Variants in ALX4 observed in about 807,000 individuals in gnomAD.
The protein encoded by ALX4 is ALX homeobox 4, also known as homeobox protein aristaless-like 4.
In ALX4, 22 loss-of-function variants were observed where a neutral mutation model predicts 40.6. That is an observed-to-expected ratio of 0.54 (90% CI 0.39 to 0.77). ALX4 has a LOEUF of 0.77. Ranked by LOEUF, ALX4 falls within the 30% of genes least tolerant of loss-of-function variation. ALX4 has a pLI of 0.00. For synonymous variants in ALX4, 266 were observed against 240.5 expected (o/e 1.11, Z -0.98); for missense variants, 556 against 564.8 (o/e 0.98, Z 0.16).
Position 44,281,249 on chromosome 11 carries a change from T to G in ALX4, c.467-5591A>C, listed in dbSNP as rs756139650. 1.1e-4 allele frequency among the ~76,000 whole-genome samples: 16 copies of G among 151,688 alleles called. 1 individual carries two copies. Among genetic ancestry groups the G allele is most frequent in the Non-Finnish European group, 2.1e-4 (14 of 67,950 alleles). On this transcript the variant is annotated intron_variant, in intron 1 of 3. Coordinates refer to ENST00000652299, the MANE Select transcript of ALX4 (RefSeq NM_021926.4). Reference sequence around the variant, plus strand: ...GCACAAGTCTGCCATTGTGAGTGGGTGTGGGGAACATATGTGTAGTTGCTT... The same window carrying G: ...GCACAAGTCTGCCATTGTGAGTGGGGGTGGGGAACATATGTGTAGTTGCTT...
chr11:44,269,831 T>C (rs1339748345), intron 2 of ALX4, among the ~76,000 whole-genome samples: 1 of 152,244 alleles, frequency 6.6e-6, no homozygotes, highest in African/African-American at 2.4e-5. Context: ...TTTCATTTCA[T>C]GTTTAATTTC....
At position 44,262,684 on chromosome 11, in the gene ALX4, C is replaced by G. The variant is rs1156739542; in HGVS notation, c.*2170G>C. ...GCCCACTCTGGAGCTACCTGGCTCT[C>G]CTCCTCTTTGTCCTGATTCTCTCAT... On this transcript the variant is annotated 3_prime_UTR_variant, in exon 4 of 4. Coordinates refer to ENST00000652299, the MANE Select transcript of ALX4 (RefSeq NM_021926.4). The G allele has an allele frequency of 6.6e-6, 1 of 152,438 alleles. No individual in the cohort carries two copies. The highest frequency in any genetic ancestry group is 1.5e-5 in the Non-Finnish European group (1 of 68,226). 9.4% of individuals were successfully genotyped at this position (152,438 alleles called of 1,614,324 possible). A position where few individuals can be genotyped will look rare whatever the true frequency, so the allele number is the denominator to read the frequency against.
chr11:44,295,191 C>A (rs1956396166), intron 1 of ALX4, among the ~76,000 whole-genome samples: 1 of 152,148 alleles, frequency 6.6e-6, no homozygotes, highest in Non-Finnish European at 1.5e-5. Context: ...CTCACCCTAT[C>A]ACTAACAGGT....
In ALX4 at chr11:44,264,150, CT is replaced by C. The variant is rs1170835157; in HGVS notation, c.*703del. ...AGTGAGGGGCTGGCCCGTGTCTCCCCTGGGGACTGGCATTGCTAGATGGCAG... is the reference window on the plus strand; with the variant it reads ...AGTGAGGGGCTGGCCCGTGTCTCCCCGGGGACTGGCATTGCTAGATGGCAG... On this transcript the variant is annotated 3_prime_UTR_variant, in exon 4 of 4. Coordinates refer to ENST00000652299, the MANE Select transcript of ALX4 (RefSeq NM_021926.4). 1.3e-5 allele frequency: 2 copies of C among 153,682 alleles called. No individual in the cohort carries two copies. The highest frequency in any genetic ancestry group is 4.8e-5 in the African/African-American group (2 of 41,484). The allele number at this position is 153,682 out of a possible 1,614,324, so 9.5% of individuals were successfully genotyped here. A position where few individuals can be genotyped will look rare whatever the true frequency, so the allele number is the denominator to read the frequency against.
Position 44,310,069 on chromosome 11 carries a change from C to T in ALX4, c.-7G>A, listed in dbSNP as rs1956499317. 1.3e-6 allele frequency: 2 copies of T among 1,577,348 alleles called. No homozygotes were observed. The highest frequency in any genetic ancestry group is 1.8e-5 in the Admixed American group (1 of 55,480). On this transcript the variant is annotated 5_prime_UTR_variant, in exon 1 of 4. Transcript: ENST00000652299. ...CGCAAGTCTCAGCATTCATGCCTGG[C>T]TTGCGCAGGCGGCGGGCGGGGACGC...
At chr11:44,291,014 T>C (rs4755243) in intron 1 of ALX4, among the ~76,000 whole-genome samples, 102,441 of 151,772 alleles carry the variant, frequency 0.67, 34,811 homozygotes, top group South Asian at 0.89. Context: ...CACCCCCACC[T>C]GCTTCCTTCC....
At position 44,264,995 on chromosome 11, in the gene ALX4, G is replaced by T. The variant is rs369085844; in HGVS notation, c.1095C>A (p.Gly365=). ...TGAGGCTGGCTGCTCCAAACAGGCTGCCCATGTGCGTCTGGCCCACGTGAC... is the reference window on the plus strand; with the variant it reads ...TGAGGCTGGCTGCTCCAAACAGGCTTCCCATGTGCGTCTGGCCCACGTGAC... ...AGSHVGQTHM[G]SLFGAASLSP... Residue 365 remains glycine (G), a synonymous_variant, in exon 4 of 4, where the codon GGC becomes GGA. Transcript: ENST00000652299. The T allele has an allele frequency of 3.9e-5, 63 of 1,612,996 alleles. No individual in the cohort carries two copies. The highest frequency in any genetic ancestry group is 4.7e-5 in the Non-Finnish European group (56 of 1,179,950).
At chr11:44,268,417 G>A (rs1284055531) in intron 2 of ALX4, among the ~76,000 whole-genome samples, 1 of 152,216 alleles carries the variant, frequency 6.6e-6, no homozygotes, top group Non-Finnish European at 1.5e-5. Context: ...GTCTGTAGAG[G>A]CAGTTGCTAT....
intron 1 of ALX4, among the ~76,000 whole-genome samples, 194 bp from the exon 2 acceptor site, chr11:44,275,852 C>A (rs185618806): frequency 3.9e-5 from 6 of 152,294 alleles, no homozygotes; most frequent in Non-Finnish European, 7.4e-5. Context: ...TTGGGCAAAT[C>A]TCTTCCCCAA....
chr11:44,293,265 CA>C (rs2119859113), intron 1 of ALX4, among the ~76,000 whole-genome samples: 1 of 151,698 alleles, frequency 6.6e-6, no homozygotes, highest in African/African-American at 2.4e-5. Context: ...ATAAAAAATT[CA>C]AAAAAGTCTC....
In ALX4 at chr11:44,308,661, T is replaced by TG. The variant is rs562399931; in HGVS notation, c.466+935dup. ...CTCCCGGGCAATGGTGGCTGTGCTC[T>TG]GGGGGGCCCAGGCCTGCCTCCTGTG... On this transcript the variant is annotated intron_variant, in intron 1 of 3. Transcript: ENST00000652299. Among the ~76,000 whole-genome samples, 189 of 152,328 alleles carry TG rather than the reference T, an allele frequency of 1.2e-3. 2 individuals are homozygous for TG. The highest frequency in any genetic ancestry group is 4.2e-3 in the African/African-American group (176 of 41,578).
In ALX4 at chr11:44,264,836, C is replaced by T. The variant is rs749052167; in HGVS notation, c.*18G>A. 1.1e-4 allele frequency: 174 copies of T among 1,611,452 alleles called. No homozygotes were observed. The highest frequency in any genetic ancestry group is 1.3e-4 in the Non-Finnish European group (157 of 1,179,530). On this transcript the variant is annotated 3_prime_UTR_variant, in exon 4 of 4. Coordinates refer to ENST00000652299, the MANE Select transcript of ALX4 (RefSeq NM_021926.4). ...GGCCCATGGTGTCCCGAGGTGGGGA[C>T]GGGGCAGGGGTGCCCTGTCATGTGG...
chr11:44,271,848 G>C (rs116970297), intron 2 of ALX4, among the ~76,000 whole-genome samples: 2 of 152,052 alleles, frequency 1.3e-5, no homozygotes. Flanking sequence ...TTCTACTCCC[G>C]GGCACTCCCA....
At chr11:44,272,780 A>G (rs187198641) in intron 2 of ALX4, among the ~76,000 whole-genome samples, 48 of 152,182 alleles carry the variant, frequency 3.2e-4, no homozygotes, top group African/African-American at 7.9e-4. Context: ...CTGCACTCCA[A>G]CCTGGGTGAC....
At chr11:44,297,462 A>G (rs1181443849) in intron 1 of ALX4, among the ~76,000 whole-genome samples, 1 of 152,096 alleles carries the variant, frequency 6.6e-6, no homozygotes, top group Non-Finnish European at 1.5e-5. Flanking sequence ...TTATGCTTGT[A>G]ATCCCAGCAA....
Position 44,264,790 on chromosome 11 carries a change from G to A in ALX4, c.*64C>T. The A allele has an allele frequency of 6.4e-7, 1 of 1,572,422 alleles. No individual in the cohort carries two copies. Among genetic ancestry groups the A allele is most frequent in the Non-Finnish European group, 8.7e-7 (1 of 1,152,634 alleles). ...AGAGGAAAGTCGAGTGGGAGGCTGG[G>A]GGCCTGGAAAACATGGGCGTGGCCC... On this transcript the variant is annotated 3_prime_UTR_variant, in exon 4 of 4. Transcript: ENST00000652299.
intron 1 of ALX4, among the ~76,000 whole-genome samples, chr11:44,298,385 T>A (rs183918143): frequency 6.6e-6 from 1 of 152,120 alleles, no homozygotes; most frequent in Non-Finnish European, 1.5e-5. Flanking sequence ...TCAGATGGCA[T>A]CCTGGCCAGA....
intron 1 of ALX4, among the ~76,000 whole-genome samples, chr11:44,297,059 G>C (rs1956407012): frequency 6.7e-6 from 1 of 150,020 alleles, no homozygotes; most frequent in Admixed American, 6.6e-5. Flanking sequence ...AATCCACAGA[G>C]AGAGAGTAGA....
chr11:44,294,011 C>T, intron 1 of ALX4, among the ~76,000 whole-genome samples: 1 of 149,148 alleles, frequency 6.7e-6, no homozygotes, highest in Admixed American at 6.6e-5. Flanking sequence ...CCCAGTGCAC[C>T]CCCTCCACCG....
Sources: allele counts gnomAD v4.1 joint callset (sites outside exome capture counted in the v4.1 genomes callset), GRCh38; gene constraint gnomAD v4.1.1; transcripts MANE v1.5; gene names NCBI Gene and HGNC (gene_info 2026-07-23, HGNC 2026-07-21).